Variants in OSBP2 observed in about 807,000 individuals in gnomAD.
The protein encoded by OSBP2 is oxysterol binding protein 2.
A neutral mutation model predicts 96.0 loss-of-function variants in OSBP2; 66 were observed. The ratio of observed to expected loss-of-function variants is 0.69; its 90% confidence interval spans 0.56 to 0.84. OSBP2 has a LOEUF of 0.84. Ranked by LOEUF, OSBP2 falls within the 40% of genes least tolerant of loss-of-function variation. The probability of loss-of-function intolerance (pLI) is 0.00; values close to 1 mark genes in which losing one functional copy is unlikely to be tolerated. For synonymous variants in OSBP2, 525 were observed against 520.9 expected, an observed-to-expected ratio of 1.01 and a Z score of -0.11; for missense variants, 1,038 against 1,222.7, an observed-to-expected ratio of 0.85 and a Z score of 2.25.
chr22:30,905,760 A>C (rs1019616443), intron 12 of OSBP2, 77 bp from the exon 13 acceptor site: 337 of 1,576,418 alleles, frequency 2.1e-4, no homozygotes, highest in Non-Finnish European at 2.7e-4. Flanking sequence ...AGACACCGCC[A>C]GGCAGGGGAG....
intron 2 of OSBP2, among the ~76,000 whole-genome samples, chr22:30,825,851 C>T (rs2038391400): frequency 6.6e-6 from 1 of 152,140 alleles, no homozygotes; most frequent in South Asian, 2.1e-4. Context: ...ATACTGAGCC[C>T]AGCTCTGATT....
chr22:30,812,864 G>T (rs2091028436), intron 2 of OSBP2, among the ~76,000 whole-genome samples: 1 of 152,118 alleles, frequency 6.6e-6, no homozygotes, highest in African/African-American at 2.4e-5. Flanking sequence ...CTGAGACTGT[G>T]TCTACTCTTA....
chr22:30,864,472 C>T (rs561527266), intron 2 of OSBP2, among the ~76,000 whole-genome samples: 3 of 152,280 alleles, frequency 2.0e-5, no homozygotes, highest in South Asian at 4.2e-4. Flanking sequence ...CAAGGCAGCA[C>T]GAAGGGTGCA....
rs746252070 is a variant in OSBP2, at chr22:30,890,693, G to C, written c.1624-35G>C. On this transcript the variant is annotated intron_variant, in intron 7 of 13. Transcript: ENST00000332585. This position sits in a 1 kb window ranked among gnomAD's most constrained non-coding sequence, Gnocchi z 4.4. ...AGGGCACCATGCCAAGCCGGGGCTG[G>C]TGCCCAGCCTGACCACCCACCTGTC... 8 of 1,604,420 alleles carry C rather than the reference G, an allele frequency of 5.0e-6. No individual in the cohort carries two copies. The highest frequency in any genetic ancestry group is 6.8e-6 in the Non-Finnish European group (8 of 1,177,020).
intron 3 of OSBP2, among the ~76,000 whole-genome samples, chr22:30,878,329 C>T (rs1314243682): frequency 5.9e-5 from 9 of 152,254 alleles, no homozygotes; most frequent in South Asian, 2.1e-4. Context: ...GGAGACCCTT[C>T]GGGGGCCCCT....
intron 2 of OSBP2, among the ~76,000 whole-genome samples, chr22:30,847,895 A>C (rs1398048517): frequency 6.6e-6 from 1 of 152,066 alleles, no homozygotes; most frequent in Non-Finnish European, 1.5e-5. Flanking sequence ...AGAGGTTTAT[A>C]GATTTTATTG....
chr22:30,826,568 A>T (rs1234643328), intron 2 of OSBP2, among the ~76,000 whole-genome samples: 1 of 152,150 alleles, frequency 6.6e-6, no homozygotes, highest in Non-Finnish European at 1.5e-5. Flanking sequence ...CTTCTGTAGC[A>T]GGACTGGGTT....
intron 12 of OSBP2, among the ~76,000 whole-genome samples, chr22:30,898,359 T>C (rs1017779338): frequency 8.0e-5 from 10 of 124,868 alleles, no homozygotes; most frequent in South Asian, 4.5e-4. Context: ...TCTCAAAAAA[T>C]AATAATAATT....
At chr22:30,836,277 T>G (rs1165683813) in intron 2 of OSBP2, among the ~76,000 whole-genome samples, 1 of 152,232 alleles carries the variant, frequency 6.6e-6, no homozygotes, top group Admixed American at 6.5e-5. Flanking sequence ...CAGGGTGCTG[T>G]TATTCCTGTT....
At chr22:30,791,213 C>T (rs139906869) in intron 2 of OSBP2, among the ~76,000 whole-genome samples, 13 of 152,074 alleles carry the variant, frequency 8.5e-5, no homozygotes, top group African/African-American at 3.1e-4. Context: ...CTCATGTGAT[C>T]CACCCGCCTA....
chr22:30,714,477 C>T (rs1367495773), intron 1 of OSBP2, among the ~76,000 whole-genome samples: 1 of 151,736 alleles, frequency 6.6e-6, no homozygotes, highest in Non-Finnish European at 1.5e-5. Context: ...TTTAAGTGTA[C>T]AGTTCAGTAG....
rs1366560788 is a variant in OSBP2 at position 30,870,120 on chromosome 22, C to T, written c.854-309C>T. Among the ~76,000 whole-genome samples the T allele has an allele frequency of 3.3e-5, 5 of 152,220 alleles. No homozygotes were observed. The highest frequency in any genetic ancestry group is 5.9e-5 in the Non-Finnish European group (4 of 68,040). ...ACACCACAATGTAGGGAGCTGGCGC[C>T]CTGCATGCAGGTGGGTGCCTGTAGG... On this transcript the variant is annotated intron_variant, in intron 2 of 13. Coordinates refer to ENST00000332585, the MANE Select transcript of OSBP2 (RefSeq NM_030758.4). The surrounding 1 kb of genome is among the most constrained non-coding windows in gnomAD (Gnocchi z 4.1).
At chr22:30,725,546 A>AAC (rs1009134313) in intron 1 of OSBP2, among the ~76,000 whole-genome samples, 1 of 81,704 alleles carries the variant, frequency 1.2e-5, no homozygotes. Context: ...AAACAAAAAC[A>AAC]AAAAAAAAAA....
At chr22:30,875,043 G>T (rs1402177219) in intron 3 of OSBP2, among the ~76,000 whole-genome samples, 1 of 152,184 alleles carries the variant, frequency 6.6e-6, no homozygotes, top group Non-Finnish European at 1.5e-5. Context: ...ATGTTTCATA[G>T]TGGGTCTTGT....
intron 2 of OSBP2, among the ~76,000 whole-genome samples, chr22:30,766,570 C>T (rs80015755): frequency 0.014 from 2,193 of 152,272 alleles, 49 homozygotes; most frequent in African/African-American, 0.049. Context: ...CCTCCCTCCA[C>T]GCTCTTGGCC....
At chr22:30,839,979 T>A (rs2038714156) in intron 2 of OSBP2, among the ~76,000 whole-genome samples, 2 of 152,076 alleles carry the variant, frequency 1.3e-5, no homozygotes, top group Admixed American at 1.3e-4. Context: ...GTTTTAGGTC[T>A]AACGTTTAAG....
chr22:30,728,394 C>CA (rs34137723), intron 1 of OSBP2, among the ~76,000 whole-genome samples: 78,248 of 131,766 alleles, frequency 0.59, 22,572 homozygotes, highest in Middle Eastern at 0.65. Context: ...GACTCCGTCT[C>CA]AAAAAAAAAA....
intron 2 of OSBP2, chr22:30,822,656 C>G: frequency 6.5e-7 from 1 of 1,533,654 alleles, no homozygotes; most frequent in Non-Finnish European, 8.7e-7. Flanking sequence ...TGCTGGGACA[C>G]GGCCTCCGTG....
intron 1 of OSBP2, among the ~76,000 whole-genome samples, chr22:30,726,961 A>T (rs1026283175): frequency 1.3e-5 from 2 of 152,192 alleles, no homozygotes; most frequent in African/African-American, 4.8e-5. Flanking sequence ...GACTAACTTT[A>T]ATGGCTTTTG....
Sources: gnomAD v4.1 joint callset for allele counts (sites outside exome capture counted in the v4.1 genomes callset) on GRCh38, gnomAD v4.1.1 for gene constraint, Gnocchi (gnomAD v3.1) non-coding constraint, MANE v1.5 for transcripts, NCBI Gene and HGNC (gene_info 2026-07-23, HGNC 2026-07-21) for gene names.